STOX1: variants seen among roughly 807,000 people sequenced by gnomAD.
STOX1 encodes storkhead box 1.
STOX1 carries 57 observed loss-of-function variants against 74.8 expected under a neutral mutation model. The ratio of observed to expected loss-of-function variants is 0.76; its 90% CI spans 0.62 to 0.95. STOX1 has a LOEUF of 0.95. Ranked by LOEUF, STOX1 falls within the 40% of genes least tolerant of loss-of-function variation. The pLI, the probability that STOX1 is intolerant of heterozygous loss-of-function variation, is 0.00. For synonymous variants in STOX1, 375 were observed against 401.3 expected, an observed-to-expected ratio of 0.93 and a Z score of 0.78; for missense variants, 1,010 against 1,117.0, an observed-to-expected ratio of 0.90 and a Z score of 1.37.
chr10:68,841,041 G>A (rs374094224), intron 1 of STOX1, among the ~76,000 whole-genome samples: 29 of 151,656 alleles, frequency 1.9e-4, no homozygotes, highest in East Asian at 1.4e-3. Flanking sequence ...TCTGCCACCA[G>A]AGTTCAAGCG....
chr10:68,892,899 T>G lies in STOX1; in HGVS notation c.*163T>G. The G allele has an allele frequency of 2.7e-6, 2 of 742,574 alleles. No individual in the cohort carries two copies. The highest frequency in any genetic ancestry group is 3.9e-5 in the South Asian group (2 of 51,738). The allele number at this position is 742,574 out of a possible 1,614,324, so 46.0% of individuals were successfully genotyped here. Reference sequence around the variant, plus strand: ...TGTTCTAATTACTGGCTTTTTTTCCTCTTTTGGTGTCTTAAGGCTTTTTGA... The same window carrying G: ...TGTTCTAATTACTGGCTTTTTTTCCGCTTTTGGTGTCTTAAGGCTTTTTGA... On this transcript the variant is annotated 3_prime_UTR_variant, in exon 4 of 4. Transcript: ENST00000298596.
At chr10:68,884,196 C>T in intron 2 of STOX1, 64 bp from the exon 3 acceptor site, 2 of 1,414,076 alleles carry the variant, frequency 1.4e-6, no homozygotes, top group Non-Finnish European at 2.0e-6. Flanking sequence ...TTCAGAGTTA[C>T]TGATTTCACT....
chr10:68,881,987 A>G lies in STOX1; in HGVS notation c.340A>G (p.Ile114Val), dbSNP rs1180955174. Residue 114 changes from isoleucine to valine, a missense_variant, in exon 2 of 4, where the codon ATA (isoleucine) becomes GTA (valine). Physicochemically the swap from Ile to Val is conservative, Grantham distance 29 (BLOSUM62 3). Transcript: ENST00000298596. ...GDVFPVQMNP[I>V]TQSQFVPLGE... ...TGTCTTTCCAGTGCAAATGAATCCA[A>G]TAACTCAATCTCAGTTCGTACCTTT... 1.2e-5 allele frequency: 20 copies of G among 1,613,966 alleles called. No homozygotes were observed. Among genetic ancestry groups the G allele is most frequent in the African/African-American group, 2.7e-5 (2 of 75,022 alleles).
At position 68,885,884 on chromosome 10, in the gene STOX1, A is replaced by G; in HGVS notation, c.2088A>G (p.Arg696=). Residue 696 remains arginine, a synonymous_variant, in exon 3 of 4, where the codon AGA becomes AGG. Coordinates refer to ENST00000298596, the MANE Select transcript of STOX1 (RefSeq NM_152709.5). The part of the protein sequence containing the change: ...RQDKDSEELL[R]KGFVQDAETT... ...ACAAAGACTCAGAAGAATTATTGAG[A>G]AAAGGATTTGTCCAGGATGCAGAGA... is the stretch of plus-strand genomic sequence containing the variant. 1 of 1,614,158 alleles carries G rather than the reference A, an allele frequency of 6.2e-7. No individual in the cohort carries two copies. The highest frequency in any genetic ancestry group is 1.1e-5 in the South Asian group (1 of 91,090).
In STOX1 at chr10:68,868,974, G is replaced by A. The variant is rs559927759; in HGVS notation, c.311-12984G>A. ...AATACTCAAAGAGGGTACACTGACA[G>A]TAAGTGGAAGTAGAGAATGTGAGCC... is the stretch of plus-strand genomic sequence containing the variant. On this transcript the variant is annotated intron_variant, in intron 1 of 3. Coordinates refer to ENST00000298596, the MANE Select transcript of STOX1 (RefSeq NM_152709.5). Among the ~76,000 whole-genome samples, 4 of 152,316 alleles carry A rather than the reference G, an allele frequency of 2.6e-5. No homozygotes were observed. In the South Asian group the frequency reaches 8.3e-4, roughly 32 times the overall value.
At chr10:68,872,285 C>T (rs72801535) in intron 1 of STOX1, among the ~76,000 whole-genome samples, 3,170 of 151,596 alleles carry the variant, frequency 0.021, 43 homozygotes, top group Middle Eastern at 0.079. Context: ...TAGAGAAAAA[C>T]TCGTGTTCTA....
intron 1 of STOX1, among the ~76,000 whole-genome samples, chr10:68,867,565 T>C (rs935865127): frequency 6.6e-6 from 1 of 152,186 alleles, no homozygotes; most frequent in African/African-American, 2.4e-5. Context: ...TTCAAGGTAT[T>C]GAGGGGGTGC....
At position 68,839,627 on chromosome 10, in the gene STOX1, C is replaced by T. The variant is rs373578516; in HGVS notation, c.310+11694C>T. ...ATTACAGGCCGGGCATGGTGGCTCACGCCTATAATCCCAGCACTTTGGGAG... is the reference window on the plus strand; with the variant it reads ...ATTACAGGCCGGGCATGGTGGCTCATGCCTATAATCCCAGCACTTTGGGAG... On this transcript the variant is annotated intron_variant, in intron 1 of 3. Transcript: ENST00000298596. 8.5e-5 allele frequency among the ~76,000 whole-genome samples: 13 copies of T among 152,284 alleles called. No homozygotes were observed. The East Asian group carries it at 1.4e-3, about 16-fold the overall frequency.
At chr10:68,868,294 A>T (rs1363820919) in intron 1 of STOX1, among the ~76,000 whole-genome samples, 1 of 152,244 alleles carries the variant, frequency 6.6e-6, no homozygotes, top group African/African-American at 2.4e-5. Context: ...CCCGAGATAA[A>T]CATCGTTTCT....
chr10:68,865,272 A>C (rs1444279552), intron 1 of STOX1, among the ~76,000 whole-genome samples: 1 of 152,260 alleles, frequency 6.6e-6, no homozygotes. Context: ...TGTTTACCGC[A>C]GGAATCGTAA....
At chr10:68,831,826 G>A (rs1407629966) in intron 1 of STOX1, among the ~76,000 whole-genome samples, 1 of 152,150 alleles carries the variant, frequency 6.6e-6, no homozygotes, top group Non-Finnish European at 1.5e-5. Context: ...CAGGCAGAGA[G>A]TATTTCTCTA....
chr10:68,829,105 A>G, intron 1 of STOX1: 1 of 519,922 alleles, frequency 1.9e-6, no homozygotes, highest in Non-Finnish European at 2.5e-6. Context: ...CTTAATTTTC[A>G]TTCTTACCAA....
At chr10:68,872,849 C>T (rs992917605) in intron 1 of STOX1, among the ~76,000 whole-genome samples, 4 of 151,968 alleles carry the variant, frequency 2.6e-5, no homozygotes, top group African/African-American at 7.3e-5. Context: ...ATTCCAAGAG[C>T]AGACCCTCTT....
intron 1 of STOX1, among the ~76,000 whole-genome samples, chr10:68,866,662 G>A (rs1840412228): frequency 6.6e-6 from 1 of 152,184 alleles, no homozygotes; most frequent in African/African-American, 2.4e-5. Flanking sequence ...GATCTTCCCA[G>A]AAGTAGTCCT....
chr10:68,868,873 A>G (rs1438170406), intron 1 of STOX1, among the ~76,000 whole-genome samples: 1 of 152,178 alleles, frequency 6.6e-6, no homozygotes, highest in Admixed American at 6.5e-5. Context: ...TATTCCAGGC[A>G]TTTTCAGATT....
chr10:68,847,405 G>GGTTTTGTTTTGTTTTGTTTT (rs60685330), intron 1 of STOX1, among the ~76,000 whole-genome samples: 1 of 150,672 alleles, frequency 6.6e-6, no homozygotes, highest in Non-Finnish European at 1.5e-5. Flanking sequence ...GAAGGTAGAA[G>GGTTTTGTTTTGTTTTGTTTT]GTTTTGTTTT....
rs1226075275 is a variant in STOX1, at chr10:68,886,525, C to T, written c.2729C>T (p.Pro910Leu). The change falls in exon 3 of 4, where the codon CCA (proline) becomes CTA (leucine). Residue 910 changes from proline (P) to leucine (L), a missense_variant. Coordinates refer to ENST00000298596, the MANE Select transcript of STOX1 (RefSeq NM_152709.5). ...KFQLFNTSHM[P>L]VLAQDVQYEH... ...CAACTTTTCAACACTTCACATATGC[C>T]AGTGTTGGCTCAGGATGTCCAATAT... 1 of 1,614,058 alleles carries T rather than the reference C, an allele frequency of 6.2e-7. No individual in the cohort carries two copies. The highest frequency in any genetic ancestry group is 1.7e-5 in the Admixed American group (1 of 60,028).
chr10:68,856,487 C>T (rs1589224752), intron 1 of STOX1, among the ~76,000 whole-genome samples: 2 of 152,174 alleles, frequency 1.3e-5, no homozygotes, highest in South Asian at 4.1e-4. Context: ...CCGTCTCCCA[C>T]GTGGGCACGA....
chr10:68,846,131 A>G lies in STOX1; in HGVS notation c.310+18198A>G, dbSNP rs1191085039. Among the ~76,000 whole-genome samples, 234 of 139,916 alleles carry G rather than the reference A, an allele frequency of 1.7e-3. 1 individual carries two copies. The highest frequency in any genetic ancestry group is 6.4e-3 in the African/African-American group (227 of 35,616). The allele number at this position is 139,916 out of a possible 152,430, so 91.8% of individuals were successfully genotyped here. On this transcript the variant is annotated intron_variant, in intron 1 of 3. Transcript: ENST00000298596. ...ATGGCTTGAGGTTTTTATTATTATT[A>G]TTATTATTATTATTATTATTATTAT...
Sources: gnomAD v4.1 joint callset for allele counts (sites outside exome capture counted in the v4.1 genomes callset) on GRCh38, gnomAD v4.1.1 for gene constraint, MANE v1.5 for transcripts, NCBI Gene and HGNC (gene_info 2026-07-23, HGNC 2026-07-21) for gene names.